Variants in ABCC5 observed in about 807,000 individuals in gnomAD.
ABCC5 encodes the protein ATP-binding cassette sub-family C member 5.
In ABCC5, 61 loss-of-function variants were observed where a neutral mutation model predicts 160.9. That is an observed-to-expected ratio of 0.38 (90% CI 0.31 to 0.47). The LOEUF (loss-of-function observed/expected upper bound fraction) is 0.47. Among genes scored for constraint, ABCC5 ranks in the 20% least tolerant of loss-of-function variants. ABCC5 has a pLI of 0.99. For synonymous variants in ABCC5, 666 were observed against 700.6 expected (o/e 0.95, Z 0.78); for missense variants, 1,308 against 1,813.3 (o/e 0.72, Z 5.06).
At chr3:183,995,542 T>C (rs988176339) in intron 2 of ABCC5, among the ~76,000 whole-genome samples, 1 of 152,210 alleles carries the variant, frequency 6.6e-6, no homozygotes, top group African/African-American at 2.4e-5. Context: ...GTTGAAAAGA[T>C]TACCATTTCT....
At chr3:183,959,103 T>C (rs1453175346) in intron 17 of ABCC5, among the ~76,000 whole-genome samples, 2 of 151,820 alleles carry the variant, frequency 1.3e-5, no homozygotes, top group East Asian at 3.9e-4. Context: ...TGTATTTAAA[T>C]TGACATGCAA....
intron 25 of ABCC5, 111 bp from the exon 26 acceptor site, chr3:183,938,171 T>A: frequency 2.9e-6 from 3 of 1,036,730 alleles, no homozygotes; most frequent in Non-Finnish European, 4.3e-6. Flanking sequence ...ATTCAGTTGT[T>A]ATTTCAACTG....
rs530724611 is a variant in ABCC5 at position 183,963,518 on chromosome 3, C to G, written c.2102G>C (p.Ser701Thr). The change falls in exon 15 of 30, where the codon AGT (serine) becomes ACT (threonine). Residue 701 changes from serine (S) to threonine (T), a missense_variant. This residue lies in a region of ABCC5 where 1,142 missense variants were observed against 1,527.1 expected (regional missense o/e 0.75). Coordinates refer to ENST00000334444, the MANE Select transcript of ABCC5 (RefSeq NM_005688.4). The surrounding 1 kb of genome is among the most constrained non-coding windows in gnomAD (Gnocchi z 4.6). Reference protein sequence around the residue: ...QRISLARALYSDRSIYILDDP... With the variant: ...QRISLARALYTDRSIYILDDP... ...GTCCAGGATGTAGATGCTCCTGTCA[C>G]TATACAAGGCCCGGGCAAGGCTGAT... 2 of 1,614,236 alleles carry G rather than the reference C, an allele frequency of 1.2e-6. No individual in the cohort carries two copies. Among genetic ancestry groups the G allele is most frequent in the South Asian group, 2.2e-5 (2 of 91,080 alleles).
chr3:183,973,049 CT>C (rs11289102), intron 10 of ABCC5, among the ~76,000 whole-genome samples: 18,868 of 107,940 alleles, frequency 0.17, 891 homozygotes, highest in East Asian at 0.37. Flanking sequence ...TTTGAATCCA[CT>C]TTTTTTTTTT....
At position 183,937,883 on chromosome 3, in the gene ABCC5, A is replaced by C; in HGVS notation, c.3854+18T>G. On this transcript the variant is annotated intron_variant, in intron 26 of 29. Transcript: ENST00000334444. Reference sequence around the variant, plus strand: ...CCTCTAAGTGACGCACGAGACATGCAGGTGCTCAGGTCCTCACCTGACAGT... The same window carrying C: ...CCTCTAAGTGACGCACGAGACATGCCGGTGCTCAGGTCCTCACCTGACAGT... The C allele has an allele frequency of 6.2e-7, 1 of 1,612,984 alleles. No homozygotes were observed. The highest frequency in any genetic ancestry group is 8.5e-7 in the Non-Finnish European group (1 of 1,179,276).
chr3:183,962,040 C>A (rs974960340), intron 15 of ABCC5, among the ~76,000 whole-genome samples: 2 of 152,150 alleles, frequency 1.3e-5, no homozygotes, highest in African/African-American at 4.8e-5. Flanking sequence ...GCCTGAGCCA[C>A]CGCGCCCAGC....
intron 11 of ABCC5, 36 bp from the exon 12 acceptor site, chr3:183,967,802 G>T: frequency 1.3e-6 from 2 of 1,516,316 alleles, no homozygotes; most frequent in South Asian, 1.1e-5. Context: ...GTCATTTAGA[G>T]ACTACTAACC....
chr3:183,958,056 G>A (rs1478067834), intron 17 of ABCC5, among the ~76,000 whole-genome samples: 5 of 148,380 alleles, frequency 3.4e-5, no homozygotes, highest in Non-Finnish European at 3.0e-5. Flanking sequence ...AAATCACATC[G>A]GTTACATGCA....
At chr3:184,006,308 A>AG (rs1180630459) in intron 2 of ABCC5, 1 of 152,018 alleles carries the variant, frequency 6.6e-6, no homozygotes, top group East Asian at 1.9e-4. Context: ...AAGAAAAAAA[A>AG]AAAAAAAAAA....
chr3:183,984,228 A>C lies in ABCC5; in HGVS notation c.592-1221T>G, dbSNP rs574596177. On this transcript the variant is annotated intron_variant, in intron 5 of 29. Coordinates refer to ENST00000334444, the MANE Select transcript of ABCC5 (RefSeq NM_005688.4). The stretch of plus-strand genomic sequence containing the variant: ...AAAAAATCCTAGGCCTCAAGGAAAA[A>C]CTGGTGGCATCCTTCTGGGTCTTTT... The C allele has an allele frequency of 4.1e-6, 4 of 985,628 alleles. No individual in the cohort carries two copies. The East Asian group carries it at 3.4e-4, about 84-fold the overall frequency. 61.1% of individuals were successfully genotyped at this position (985,628 alleles called of 1,614,324 possible).
chr3:183,957,317 A>G (rs1716159937), intron 17 of ABCC5, among the ~76,000 whole-genome samples: 1 of 111,192 alleles, frequency 9.0e-6, no homozygotes, highest in African/African-American at 3.3e-5. Context: ...TGTAAATCAC[A>G]TCGGTTACAT....
In ABCC5 at chr3:183,992,034, A is replaced by C. The variant is rs1233917290; in HGVS notation, c.130-2651T>G. 2.0e-5 allele frequency among the ~76,000 whole-genome samples: 3 copies of C among 152,242 alleles called. No individual in the cohort carries two copies. In the East Asian group the frequency reaches 5.8e-4, roughly 29 times the overall value. On this transcript the variant is annotated intron_variant, in intron 2 of 29. Transcript: ENST00000334444. ...AAAGATCTGAAAAATGTCACTTCAA[A>C]TACATTGCCAAAATGGACTATACAT...
intron 26 of ABCC5, among the ~76,000 whole-genome samples, chr3:183,930,254 C>G (rs1008352655): frequency 1.3e-5 from 2 of 152,250 alleles, no homozygotes; most frequent in East Asian, 1.9e-4. Context: ...AGTGAGAGGA[C>G]AGCAGGCCGG....
intron 5 of ABCC5, chr3:183,984,266 T>A (rs2108858008): frequency 9.1e-6 from 9 of 985,778 alleles, no homozygotes; most frequent in Non-Finnish European, 9.6e-6. Flanking sequence ...AGTCCTTGCA[T>A]CTAAAAATCA....
chr3:184,010,827 T>C (rs111725271), intron 2 of ABCC5, among the ~76,000 whole-genome samples: 101 of 148,896 alleles, frequency 6.8e-4, no homozygotes, highest in African/African-American at 2.4e-3. Context: ...AGATGGAGTC[T>C]CACTCTGTTG....
chr3:183,930,193 G>A (rs1326473407), intron 26 of ABCC5, among the ~76,000 whole-genome samples: 1 of 152,224 alleles, frequency 6.6e-6, no homozygotes, highest in Non-Finnish European at 1.5e-5. Context: ...CATATCTGGG[G>A]TTACTAATTA....
chr3:183,959,386 C>A (rs1295657228), intron 17 of ABCC5, among the ~76,000 whole-genome samples: 1 of 152,134 alleles, frequency 6.6e-6, no homozygotes, highest in African/African-American at 2.4e-5. Flanking sequence ...TTGGTTGGGA[C>A]TTTTCATGAG....
chr3:183,987,660 G>T lies in ABCC5; in HGVS notation c.591+110C>A. 1.3e-6 allele frequency: 2 copies of T among 1,488,694 alleles called. No individual in the cohort carries two copies. Among genetic ancestry groups the T allele is most frequent in the Non-Finnish European group, 9.2e-7 (1 of 1,086,564 alleles). The allele number at this position is 1,488,694 out of a possible 1,614,324, so 92.2% of individuals were successfully genotyped here. A position where few individuals can be genotyped will look rare whatever the true frequency, so the allele number is the denominator to read the frequency against. The stretch of plus-strand genomic sequence containing the variant: ...TCAACAGACCTGAAGGCATCTCTAA[G>T]ACTGCTACCTAGCCCAAAGCTGAGC... On this transcript the variant is annotated intron_variant, in intron 5 of 29. Coordinates refer to ENST00000334444, the MANE Select transcript of ABCC5 (RefSeq NM_005688.4). This position sits in a 1 kb window ranked among gnomAD's most constrained non-coding sequence, Gnocchi z 4.2.
At position 183,983,002 on chromosome 3, in the gene ABCC5, G is replaced by T; in HGVS notation, c.597C>A (p.Phe199Leu). 1 of 1,613,774 alleles carries T rather than the reference G, an allele frequency of 6.2e-7. No homozygotes were observed. Among genetic ancestry groups the T allele is most frequent in the South Asian group, 1.1e-5 (1 of 91,052 alleles). Residue 199 changes from phenylalanine (F) to leucine (L), a missense_variant, in exon 6 of 30, where the codon TTC becomes TTA. Physicochemically the swap from Phe to Leu is conservative, Grantham distance 22. Around this residue, in one of 3 missense-constraint regions of ABCC5, gnomAD observed 1,142 missense variants for 1,527.1 expected, o/e 0.75. Transcript: ENST00000334444. ...TATACTCCAAGAGGTGTTTCACCAT[G>T]AAGGCCTACAGGGAGAGACACACAC... ...TQLAGFSGPA[F>L]MVKHLLEYTQ...
Sources: gnomAD v4.1 joint callset for allele counts (sites outside exome capture counted in the v4.1 genomes callset) on GRCh38, gnomAD v4.1.1 for gene constraint, gnomAD v4.1.1 regional missense constraint, Gnocchi (gnomAD v3.1) non-coding constraint, MANE v1.5 for transcripts, NCBI Gene and HGNC (gene_info 2026-07-23, HGNC 2026-07-21) for gene names.